The following CRIM1 variants were observed in gnomAD, a reference collection of about 807,000 sequenced individuals.
The protein encoded by CRIM1 is cysteine-rich motor neuron 1 protein.
CRIM1 carries 32 observed loss-of-function variants against 116.4 expected under a neutral mutation model. That is an observed-to-expected ratio of 0.27 (90% CI 0.21 to 0.37). The LOEUF is 0.37. Ranked by LOEUF, CRIM1 falls within the 10% of genes least tolerant of loss-of-function variation. The probability of loss-of-function intolerance (pLI) is 1.00; values close to 1 mark genes in which losing one functional copy is unlikely to be tolerated. For missense variants in CRIM1, 1,331 were observed against 1,354.8 expected (o/e 0.98, Z 0.28); for synonymous variants, 590 against 509.2 (o/e 1.16, Z -2.13).
intron 7 of CRIM1, among the ~76,000 whole-genome samples, chr2:36,486,912 A>G (rs1378001140): frequency 1.3e-5 from 2 of 152,110 alleles, no homozygotes; most frequent in African/African-American, 2.4e-5. Flanking sequence ...GGATGAGACA[A>G]CTCTTAGGCA....
intron 2 of CRIM1, among the ~76,000 whole-genome samples, chr2:36,410,983 C>A (rs537075613): frequency 1.3e-5 from 2 of 152,164 alleles, no homozygotes; most frequent in African/African-American, 2.4e-5. Flanking sequence ...GAAACAAATT[C>A]TCATATTCTC....
chr2:36,367,863 A>G (rs1291383523), intron 1 of CRIM1, among the ~76,000 whole-genome samples: 1 of 152,150 alleles, frequency 6.6e-6, no homozygotes, highest in East Asian at 1.9e-4. Context: ...TAGAACTCAA[A>G]CCTCTCTTAT....
intron 8 of CRIM1, among the ~76,000 whole-genome samples, chr2:36,501,087 C>T (rs890007154): frequency 6.6e-6 from 1 of 152,092 alleles, no homozygotes; most frequent in African/African-American, 2.4e-5. Context: ...AACACTTTGT[C>T]CCTTTTGAAT....
chr2:36,547,245 A>C, intron 16 of CRIM1, 74 bp downstream of exon 16: 1 of 1,253,916 alleles, frequency 8.0e-7, no homozygotes, highest in Non-Finnish European at 1.2e-6. Context: ...AATTGCTTGA[A>C]ACCTTGTGTC....
rs1666567091 is a variant in CRIM1 at position 36,536,506 on chromosome 2, C to G, written c.2429-846C>G. ...CGCCACCGGGTTTCGATTTGCCCAT[C>G]TCTGCTTTGCTGCTGGATCTGCTGG... On this transcript the variant is annotated intron_variant, in intron 13 of 16. Coordinates refer to ENST00000280527, the MANE Select transcript of CRIM1 (RefSeq NM_016441.3). Among the ~76,000 whole-genome samples the G allele has an allele frequency of 3.9e-5, 6 of 152,296 alleles. No homozygotes were observed. The South Asian group carries it at 1.2e-3, about 32-fold the overall frequency.
intron 7 of CRIM1, among the ~76,000 whole-genome samples, chr2:36,493,279 A>C (rs1262718118): frequency 6.6e-6 from 1 of 152,174 alleles, no homozygotes; most frequent in East Asian, 1.9e-4. Flanking sequence ...AAAGGAAAAA[A>C]AAAAGCATTG....
chr2:36,462,849 C>A (rs1262729707), intron 4 of CRIM1, among the ~76,000 whole-genome samples: 3 of 152,120 alleles, frequency 2.0e-5, no homozygotes, highest in Non-Finnish European at 4.4e-5. Context: ...TATGTGCTTA[C>A]CACTGCAATG....
chr2:36,382,805 C>G (rs998874935), intron 1 of CRIM1, among the ~76,000 whole-genome samples: 5 of 152,228 alleles, frequency 3.3e-5, no homozygotes, highest in African/African-American at 1.2e-4. Context: ...ATGGAGAGAA[C>G]AAGCACATAC....
chr2:36,548,691 A>T lies in CRIM1; in HGVS notation c.3101A>T (p.Gln1034Leu). 6.3e-7 allele frequency: 1 copy of T among 1,587,758 alleles called. No individual in the cohort carries two copies. The highest frequency in any genetic ancestry group is 8.5e-7 in the Non-Finnish European group (1 of 1,171,780). ...QNHLQADNFY[Q>L]TV ...CATCTACAGGCAGACAATTTCTACC[A>T]AACAGTGTGAAGAAAGGCAACTAGG... Residue 1034 changes from glutamine (Q) to leucine (L), a missense_variant, in exon 17 of 17, where the codon CAA (glutamine) becomes CTA (leucine). Transcript: ENST00000280527.
rs377354646 is a variant in CRIM1 at position 36,534,412 on chromosome 2, TACAG to T, written c.2429-2935_2429-2932del. Reference sequence around the variant, plus strand: ...GAGGGGGAAGGAAGGAAGGGAAAAATACAGACAGGAAGGAAGGGGACAGGAAGGG... The same window carrying T: ...GAGGGGGAAGGAAGGAAGGGAAAAATACAGGAAGGAAGGGGACAGGAAGGG... On this transcript the variant is annotated intron_variant, in intron 13 of 16. Transcript: ENST00000280527. Among the ~76,000 whole-genome samples the T allele has an allele frequency of 5.9e-3, 460 of 77,462 alleles. 4 individuals are homozygous for T. Among genetic ancestry groups the T allele is most frequent in the African/African-American group, 0.025 (441 of 17,896 alleles). 50.8% of individuals were successfully genotyped at this position (77,462 alleles called of 152,430 possible).
intron 4 of CRIM1, among the ~76,000 whole-genome samples, chr2:36,463,026 A>G (rs1019533307): frequency 6.6e-6 from 1 of 152,198 alleles, no homozygotes; most frequent in African/African-American, 2.4e-5. Flanking sequence ...ACTTGAAACC[A>G]CTGGTAGAAA....
chr2:36,439,697 A>G (rs1214274967), intron 2 of CRIM1, among the ~76,000 whole-genome samples: 1 of 152,076 alleles, frequency 6.6e-6, no homozygotes, highest in Non-Finnish European at 1.5e-5. Flanking sequence ...AAACTTCTCA[A>G]TCATGCCCAT....
At chr2:36,410,340 A>G (rs1490553181) in intron 2 of CRIM1, among the ~76,000 whole-genome samples, 1 of 152,146 alleles carries the variant, frequency 6.6e-6, no homozygotes, top group African/African-American at 2.4e-5. Flanking sequence ...TCCTGTTCCA[A>G]TAACAAAAGA....
At chr2:36,537,305 T>C (rs1343849015) in intron 13 of CRIM1, 47 bp from the exon 14 acceptor site, 2 of 1,536,832 alleles carry the variant, frequency 1.3e-6, no homozygotes, top group East Asian at 4.5e-5. Context: ...TAAGATCGTG[T>C]GCGTTGTCAC....
At chr2:36,533,899 G>A (rs976301968) in intron 13 of CRIM1, among the ~76,000 whole-genome samples, 1 of 151,372 alleles carries the variant, frequency 6.6e-6, no homozygotes, top group African/African-American at 2.4e-5. Context: ...CATTATTCTC[G>A]TGTGTGGAGA....
chr2:36,376,404 C>T (rs150293071), intron 1 of CRIM1, among the ~76,000 whole-genome samples: 2 of 152,326 alleles, frequency 1.3e-5, no homozygotes, highest in South Asian at 2.1e-4. Context: ...AGTAGGCGAG[C>T]GTTCATACAG....
intron 8 of CRIM1, among the ~76,000 whole-genome samples, chr2:36,504,981 G>A (rs1016215794): frequency 6.6e-6 from 1 of 152,148 alleles, no homozygotes; most frequent in African/African-American, 2.4e-5. Flanking sequence ...GTAGAATTCT[G>A]CATCAGTCAG....
At chr2:36,421,509 G>T (rs1272714711) in intron 2 of CRIM1, among the ~76,000 whole-genome samples, 2 of 152,110 alleles carry the variant, frequency 1.3e-5, no homozygotes, top group East Asian at 1.9e-4. Context: ...TCCACTTTCA[G>T]TAAGAAAAAT....
chr2:36,377,518 C>A (rs940877909), intron 1 of CRIM1, among the ~76,000 whole-genome samples: 2 of 152,208 alleles, frequency 1.3e-5, no homozygotes, highest in Admixed American at 1.3e-4. Context: ...CAAAGCTCCC[C>A]AACCTCTGTT....
Sources: allele counts gnomAD v4.1 joint callset (sites outside exome capture counted in the v4.1 genomes callset), GRCh38; gene constraint gnomAD v4.1.1; transcripts MANE v1.5; gene names NCBI Gene and HGNC (gene_info 2026-07-23, HGNC 2026-07-21).